The following RARB variants were observed in gnomAD, a reference collection of about 807,000 sequenced individuals.
RARB encodes the protein retinoic acid receptor beta, also known as HBV-activated protein.
RARB carries 17 observed loss-of-function variants against 51.9 expected under a neutral mutation model. The observed-to-expected ratio is 0.33, with a 90% CI of 0.22 to 0.49. The LOEUF (loss-of-function observed/expected upper bound fraction) is 0.49, where lower values mean the gene tolerates loss of function less well. RARB is among the 20% of genes least tolerant of loss of function. The pLI is 0.99. For missense variants in RARB, 369 were observed against 550.8 expected, an observed-to-expected ratio of 0.67 and a Z score of 3.30; for synonymous variants, 215 against 195.4, an observed-to-expected ratio of 1.10 and a Z score of -0.84.
intron 2 of RARB, among the ~76,000 whole-genome samples, chr3:24,942,717 A>G (rs1049216317): frequency 6.6e-6 from 1 of 152,196 alleles, no homozygotes; most frequent in Non-Finnish European, 1.5e-5. Flanking sequence ...CTGGCACATA[A>G]TAAGGACTCA....
intron 2 of RARB, among the ~76,000 whole-genome samples, chr3:24,933,338 A>G (rs954758577): frequency 8.5e-5 from 13 of 152,090 alleles, no homozygotes; most frequent in African/African-American, 3.1e-4. Context: ...ATTAGGAAAC[A>G]TATCTGATGT....
intron 5 of RARB, among the ~76,000 whole-genome samples, chr3:25,386,686 G>T (rs375963263): frequency 6.6e-6 from 1 of 152,146 alleles, no homozygotes; most frequent in Admixed American, 6.5e-5. Flanking sequence ...GAGAGGAGTT[G>T]TACCTTCTAC....
chr3:25,156,722 G>C (rs1040708329), intron 4 of RARB, among the ~76,000 whole-genome samples: 23 of 152,078 alleles, frequency 1.5e-4, no homozygotes, highest in Admixed American at 5.9e-4. Flanking sequence ...GGCATAAGAT[G>C]TCCAAGGCTG....
intron 5 of RARB, among the ~76,000 whole-genome samples, chr3:25,412,849 A>G (rs967218940): frequency 1.3e-5 from 2 of 152,006 alleles, no homozygotes; most frequent in Non-Finnish European, 2.9e-5. Flanking sequence ...GAGCAACCCC[A>G]TCTCTACTAA....
At position 24,862,290 on chromosome 3, in the gene RARB, G is replaced by C. The variant is rs1167173467; in HGVS notation, c.-380+3538G>C. 2.0e-5 allele frequency among the ~76,000 whole-genome samples: 3 copies of C among 152,170 alleles called. No homozygotes were observed. The East Asian group carries it at 5.8e-4, about 29-fold the overall frequency. On this transcript the variant is annotated intron_variant, in intron 2 of 11. Coordinates refer to the RARB transcript ENST00000383772. ...TTGGAGTGCTATTAAAGGCTATAGT[G>C]ATTAAAAAGTATAAGGTAGCGAATT...
intron 5 of RARB, among the ~76,000 whole-genome samples, chr3:25,329,129 C>T (rs1704815352): frequency 6.6e-6 from 1 of 152,228 alleles, no homozygotes; most frequent in Non-Finnish European, 1.5e-5. Context: ...GCAGCAGAAA[C>T]TTCTGCAGAC....
At chr3:25,234,126 T>C (rs1215937025) in intron 5 of RARB, among the ~76,000 whole-genome samples, 1 of 152,164 alleles carries the variant, frequency 6.6e-6, no homozygotes, top group Non-Finnish European at 1.5e-5. Flanking sequence ...TGAGATTATG[T>C]GGAATTGCTA....
chr3:25,443,908 A>C (rs1335897524), intron 1 of RARB, among the ~76,000 whole-genome samples: 1 of 152,042 alleles, frequency 6.6e-6, no homozygotes, highest in Non-Finnish European at 1.5e-5. Context: ...TCCAGCCTAG[A>C]CAACAGAGCT....
At chr3:25,540,553 T>C (rs2125654620) in intron 3 of RARB, among the ~76,000 whole-genome samples, 2 of 152,336 alleles carry the variant, frequency 1.3e-5, no homozygotes, top group South Asian at 4.1e-4. Context: ...ACTGTGAGTT[T>C]TGTGACCTCT....
intron 5 of RARB, among the ~76,000 whole-genome samples, chr3:25,366,001 AC>A (rs1038815784): frequency 9.9e-5 from 15 of 152,278 alleles, no homozygotes; most frequent in Admixed American, 7.8e-4. Context: ...TTTTTAAAAC[AC>A]CACACTTGTG....
intron 5 of RARB, among the ~76,000 whole-genome samples, chr3:25,337,234 G>T (rs2125448616): frequency 6.6e-6 from 1 of 152,148 alleles, no homozygotes; most frequent in East Asian, 1.9e-4. Context: ...AAAAAAGTTA[G>T]AATACATTCA....
chr3:25,387,904 C>A (rs1007255843), intron 5 of RARB, among the ~76,000 whole-genome samples: 1 of 151,802 alleles, frequency 6.6e-6, no homozygotes, highest in African/African-American at 2.4e-5. Context: ...AAATGTTTAA[C>A]CTGGATTGAT....
At chr3:25,064,879 A>G (rs1162222897) in intron 3 of RARB, among the ~76,000 whole-genome samples, 2 of 152,178 alleles carry the variant, frequency 1.3e-5, no homozygotes, top group Non-Finnish European at 1.5e-5. Flanking sequence ...GTCATAATCC[A>G]TGAGGTTCAT....
At chr3:25,434,356 C>T (rs1225548730) in intron 1 of RARB, among the ~76,000 whole-genome samples, 1 of 152,142 alleles carries the variant, frequency 6.6e-6, no homozygotes, top group Non-Finnish European at 1.5e-5. Flanking sequence ...TGTCATTTTA[C>T]ATTGTCATAG....
chr3:25,146,333 A>G (rs73143471), intron 4 of RARB, among the ~76,000 whole-genome samples: 5,683 of 152,196 alleles, frequency 0.037, 342 homozygotes, highest in African/African-American at 0.13. Flanking sequence ...TGGGGGGACC[A>G]CATATCATCT....
At chr3:25,093,847 A>G (rs1224632428) in intron 3 of RARB, among the ~76,000 whole-genome samples, 1 of 152,090 alleles carries the variant, frequency 6.6e-6, no homozygotes. Flanking sequence ...GGCAACAAGC[A>G]CCCATTGCCT....
intron 2 of RARB, among the ~76,000 whole-genome samples, chr3:25,489,937 A>G (rs140820412): frequency 6.6e-6 from 1 of 152,386 alleles, no homozygotes; most frequent in East Asian, 1.9e-4. Context: ...GACTCACCAC[A>G]GCTTTTCCAT....
chr3:25,236,018 T>C (rs2125393158), intron 5 of RARB, among the ~76,000 whole-genome samples: 1 of 152,238 alleles, frequency 6.6e-6, no homozygotes, highest in East Asian at 1.9e-4. Context: ...TCCTGAAAAA[T>C]AGTACATGTG....
At chr3:24,881,116 A>G (rs1210608859) in intron 2 of RARB, among the ~76,000 whole-genome samples, 1 of 152,138 alleles carries the variant, frequency 6.6e-6, no homozygotes, top group Non-Finnish European at 1.5e-5. Flanking sequence ...GATGTTTGGC[A>G]GTTCCTCCTT....
Sources: allele counts gnomAD v4.1 joint callset (sites outside exome capture counted in the v4.1 genomes callset), GRCh38; gene constraint gnomAD v4.1.1; transcripts MANE v1.5; gene names NCBI Gene and HGNC (gene_info 2026-07-23, HGNC 2026-07-21).